The following RIT2 variants were observed in gnomAD, a reference collection of about 807,000 sequenced individuals.
The protein encoded by RIT2 is Ras like without CAAX 2.
A neutral mutation model predicts 23.7 loss-of-function variants in RIT2; 24 were observed. That is an observed-to-expected ratio of 1.01 (90% CI 0.73 to 1.43). The LOEUF (loss-of-function observed/expected upper bound fraction) is 1.43, where lower values mean the gene tolerates loss of function less well. Among genes scored for constraint, RIT2 ranks in the 40% most tolerant of loss-of-function variants. The pLI is 0.00. For synonymous variants in RIT2, 107 were observed against 91.1 expected (o/e 1.17, Z -0.99); for missense variants, 236 against 266.9 (o/e 0.88, Z 0.81).
chr18:42,876,808 C>T (rs1270630866), intron 4 of RIT2, among the ~76,000 whole-genome samples: 1 of 151,652 alleles, frequency 6.6e-6, no homozygotes, highest in African/African-American at 2.4e-5. Flanking sequence ...TTCTTTGTTC[C>T]CACATCATTT....
intron 2 of RIT2, among the ~76,000 whole-genome samples, chr18:43,012,560 G>T (rs1224967997): frequency 6.6e-6 from 1 of 151,294 alleles, no homozygotes; most frequent in Non-Finnish European, 1.5e-5. Flanking sequence ...TACCTTTTCT[G>T]ATTTTTAAGT....
chr18:43,109,954 A>G (rs1027862761), intron 1 of RIT2, among the ~76,000 whole-genome samples: 1 of 152,128 alleles, frequency 6.6e-6, no homozygotes, highest in Non-Finnish European at 1.5e-5. Context: ...TAGAAAAACA[A>G]TTTAGATGTA....
At chr18:42,971,436 T>A (rs527957795) in intron 3 of RIT2, among the ~76,000 whole-genome samples, 8 of 152,058 alleles carry the variant, frequency 5.3e-5, no homozygotes, top group African/African-American at 1.9e-4. Context: ...TTTCTCAGTA[T>A]TACTAGAGCA....
intron 4 of RIT2, among the ~76,000 whole-genome samples, chr18:42,824,611 T>C (rs1906244123): frequency 6.6e-6 from 1 of 152,068 alleles, no homozygotes; most frequent in Admixed American, 6.6e-5. Flanking sequence ...TGGTTATAAA[T>C]CAGATAATTT....
At chr18:42,887,147 C>T (rs1908043921) in intron 4 of RIT2, among the ~76,000 whole-genome samples, 1 of 151,846 alleles carries the variant, frequency 6.6e-6, no homozygotes, top group Non-Finnish European at 1.5e-5. Context: ...TAAATCTTAC[C>T]TAAAAAGATA....
At chr18:42,800,649 C>T (rs1234098993) in intron 4 of RIT2, among the ~76,000 whole-genome samples, 1 of 152,032 alleles carries the variant, frequency 6.6e-6, no homozygotes, top group Non-Finnish European at 1.5e-5. Flanking sequence ...CCTGCCTCAG[C>T]CTCCCGAGTA....
chr18:42,749,379 C>G (rs1326081029), intron 4 of RIT2, among the ~76,000 whole-genome samples: 1 of 151,656 alleles, frequency 6.6e-6, no homozygotes, highest in East Asian at 1.9e-4. Flanking sequence ...CATAAACACT[C>G]AAATTTAATG....
chr18:42,756,234 C>T (rs16976768), intron 4 of RIT2, among the ~76,000 whole-genome samples: 2,640 of 152,256 alleles, frequency 0.017, 77 homozygotes, highest in African/African-American at 0.061. Flanking sequence ...AGCGCCTACT[C>T]TGGAAATGTA....
intron 3 of RIT2, among the ~76,000 whole-genome samples, chr18:42,952,912 C>T: frequency 6.6e-6 from 1 of 150,784 alleles, no homozygotes. Flanking sequence ...CTTATCTTTT[C>T]TTTCTTTTCT....
At chr18:43,023,156 T>C (rs1911635609) in intron 2 of RIT2, among the ~76,000 whole-genome samples, 1 of 152,056 alleles carries the variant, frequency 6.6e-6, no homozygotes, top group Admixed American at 6.6e-5. Flanking sequence ...GTCATGGAGA[T>C]CATATGCTAC....
intron 2 of RIT2, among the ~76,000 whole-genome samples, chr18:42,996,366 T>C (rs980987781): frequency 2.0e-5 from 3 of 152,112 alleles, no homozygotes; most frequent in Admixed American, 2.0e-4. Flanking sequence ...ACTATTTCAT[T>C]TTATTTTTCT....
At chr18:42,879,278 C>T (rs1568019645) in intron 4 of RIT2, among the ~76,000 whole-genome samples, 1 of 152,066 alleles carries the variant, frequency 6.6e-6, no homozygotes, top group African/African-American at 2.4e-5. Flanking sequence ...TGTTCTACTC[C>T]TTCATTGTAA....
chr18:43,044,288 AT>A (rs1392327180), intron 1 of RIT2, among the ~76,000 whole-genome samples: 1 of 151,926 alleles, frequency 6.6e-6, no homozygotes, highest in East Asian at 1.9e-4. Context: ...GACAGCTTTC[AT>A]TTTTTTTCTA....
intron 4 of RIT2, among the ~76,000 whole-genome samples, chr18:42,861,455 C>T (rs970959341): frequency 2.0e-5 from 3 of 152,196 alleles, no homozygotes; most frequent in Non-Finnish European, 2.9e-5. Context: ...TTCTTTCTTG[C>T]CTTTTAGTCT....
intron 4 of RIT2, among the ~76,000 whole-genome samples, chr18:42,864,828 C>A (rs1042027000): frequency 1.3e-5 from 2 of 152,176 alleles, no homozygotes; most frequent in Non-Finnish European, 2.9e-5. Context: ...TTAGGAGGCT[C>A]CATATATCCT....
intron 4 of RIT2, among the ~76,000 whole-genome samples, chr18:42,752,253 A>G (rs991581441): frequency 3.3e-5 from 5 of 152,200 alleles, no homozygotes; most frequent in Non-Finnish European, 7.3e-5. Context: ...CTTCCATATT[A>G]GAATTGAGAA....
intron 3 of RIT2, among the ~76,000 whole-genome samples, chr18:42,928,074 G>A (rs1909227503): frequency 6.6e-6 from 1 of 151,924 alleles, no homozygotes; most frequent in Non-Finnish European, 1.5e-5. Flanking sequence ...CACACAGATA[G>A]CATTACATAT....
chr18:42,798,049 T>G (rs1469891443), intron 4 of RIT2, among the ~76,000 whole-genome samples: 3 of 152,218 alleles, frequency 2.0e-5, no homozygotes, highest in Non-Finnish European at 4.4e-5. Flanking sequence ...CTTGAAGATA[T>G]GCAGGCTATC....
chr18:43,105,100 C>CTCTGTGTGTGTGTG (rs55751225), intron 1 of RIT2, among the ~76,000 whole-genome samples: 10 of 143,064 alleles, frequency 7.0e-5, no homozygotes, highest in East Asian at 4.1e-4. Flanking sequence ...AGGCAGTGTG[C>CTCTGTGTGTGTGTG]TGTGTGTGTG....
Sources: gnomAD v4.1 joint callset for allele counts (sites outside exome capture counted in the v4.1 genomes callset) on GRCh38, gnomAD v4.1.1 for gene constraint, MANE v1.5 for transcripts, NCBI Gene and HGNC (gene_info 2026-07-23, HGNC 2026-07-21) for gene names.